ATP2B2: variants seen among roughly 807,000 people sequenced by gnomAD.
The protein encoded by ATP2B2 is plasma membrane calcium-transporting ATPase 2.
ATP2B2 carries 15 observed loss-of-function variants against 120.0 expected under a neutral mutation model. The observed-to-expected ratio is 0.12, with a 90% CI of 0.08 to 0.19. ATP2B2 has a LOEUF of 0.19. ATP2B2 is among the 10% of genes least tolerant of loss of function. ATP2B2 has a pLI of 1.00. For synonymous variants in ATP2B2, 694 were observed against 700.3 expected, an observed-to-expected ratio of 0.99 and a Z score of 0.14; for missense variants, 1,045 against 1,719.8, an observed-to-expected ratio of 0.61 and a Z score of 6.94.
At chr3:10,504,616 GA>G (rs2125417291) in intron 1 of ATP2B2, among the ~76,000 whole-genome samples, 1 of 152,178 alleles carries the variant, frequency 6.6e-6, no homozygotes, top group African/African-American at 2.4e-5. Context: ...CCGTGGTGTG[GA>G]ATAGCTACTT....
At chr3:10,563,920 G>A (rs567617027) in intron 2 of ATP2B2, among the ~76,000 whole-genome samples, 1 of 152,332 alleles carries the variant, frequency 6.6e-6, no homozygotes, top group Admixed American at 6.5e-5. Context: ...GTGGAGCCAG[G>A]TTTAGAACCA....
intron 1 of ATP2B2, among the ~76,000 whole-genome samples, chr3:10,651,669 A>G (rs9851032): frequency 0.31 from 46,593 of 151,436 alleles, 10,678 homozygotes; most frequent in African/African-American, 0.64. Context: ...AGGGTGGGTG[A>G]ATGGCTGGGT....
intron 2 of ATP2B2, among the ~76,000 whole-genome samples, chr3:10,582,700 G>T (rs1481008763): frequency 1.3e-5 from 2 of 151,770 alleles, no homozygotes; most frequent in African/African-American, 2.4e-5. Flanking sequence ...AGAGGGAACG[G>T]TAAGTGTAGA....
At chr3:10,685,356 C>T (rs1342516576) in intron 1 of ATP2B2, among the ~76,000 whole-genome samples, 1 of 152,216 alleles carries the variant, frequency 6.6e-6, no homozygotes, top group African/African-American at 2.4e-5. Context: ...GGCAGCTGAG[C>T]AAGCAGCGTG....
intron 2 of ATP2B2, among the ~76,000 whole-genome samples, chr3:10,572,539 A>G (rs2068151000): frequency 1.3e-5 from 2 of 152,244 alleles, no homozygotes; most frequent in African/African-American, 4.8e-5. Context: ...CAATTAAAAA[A>G]TACCACATAG....
chr3:10,593,435 A>C (rs2068690453), intron 2 of ATP2B2, among the ~76,000 whole-genome samples: 1 of 152,196 alleles, frequency 6.6e-6, no homozygotes, highest in Admixed American at 6.5e-5. Context: ...TGTCTCTGAG[A>C]GTTGACTGTC....
At chr3:10,629,402 C>G (rs1208668697) in intron 1 of ATP2B2, among the ~76,000 whole-genome samples, 1 of 152,198 alleles carries the variant, frequency 6.6e-6, no homozygotes, top group Non-Finnish European at 1.5e-5. Context: ...AAGGAGGAGG[C>G]AAACTCGCAC....
chr3:10,547,740 A>G (rs2067582432), intron 2 of ATP2B2, among the ~76,000 whole-genome samples: 1 of 152,216 alleles, frequency 6.6e-6, no homozygotes, highest in South Asian at 2.1e-4. Context: ...GGCTGCAGGC[A>G]TGGACTTTCC....
intron 2 of ATP2B2, among the ~76,000 whole-genome samples, chr3:10,445,028 G>A (rs951814118): frequency 2.6e-5 from 4 of 152,230 alleles, no homozygotes; most frequent in Non-Finnish European, 5.9e-5. Context: ...ATCTTTCCAT[G>A]TCCTCTGATG....
intron 2 of ATP2B2, among the ~76,000 whole-genome samples, chr3:10,574,955 G>A (rs1255139611): frequency 6.6e-6 from 1 of 152,108 alleles, no homozygotes; most frequent in African/African-American, 2.4e-5. Flanking sequence ...ACAAAGGGCT[G>A]GCTGACTTGA....
intron 2 of ATP2B2, among the ~76,000 whole-genome samples, chr3:10,550,514 G>GT (rs1308821444): frequency 3.3e-5 from 5 of 152,100 alleles, no homozygotes; most frequent in African/African-American, 7.2e-5. Flanking sequence ...CTATGTGATA[G>GT]TTTTTTAAAA....
intron 2 of ATP2B2, among the ~76,000 whole-genome samples, chr3:10,587,245 C>T (rs1442681565): frequency 6.6e-6 from 1 of 152,026 alleles, no homozygotes. Flanking sequence ...GTCCAGAGTG[C>T]AGTGAGCCGT....
At chr3:10,549,562 C>T (rs890430405) in intron 2 of ATP2B2, among the ~76,000 whole-genome samples, 1 of 152,256 alleles carries the variant, frequency 6.6e-6, no homozygotes, top group African/African-American at 2.4e-5. Context: ...CTAGCATGTC[C>T]TATCACTTAG....
chr3:10,465,029 C>T (rs1345710369), intron 1 of ATP2B2, among the ~76,000 whole-genome samples: 2 of 152,214 alleles, frequency 1.3e-5, no homozygotes, highest in African/African-American at 4.8e-5. Context: ...GAGTGCCAGG[C>T]CCTTCTCCAA....
Position 10,375,504 on chromosome 3 carries a change from C to A in ATP2B2, c.1342G>T (p.Val448Leu). 1 of 1,613,760 alleles carries A rather than the reference C, an allele frequency of 6.2e-7. No homozygotes were observed. Residue 448 changes from valine (V) to leucine (L), a missense_variant, in exon 11 of 23, where the codon GTG becomes TTG. By Grantham distance (32) the Val-to-Leu change is conservative. Coordinates refer to ENST00000360273, the MANE Select transcript of ATP2B2 (RefSeq NM_001001331.4). The surrounding 1 kb of genome is among the most constrained non-coding windows in gnomAD (Gnocchi z 4.2). Reference protein sequence around the residue: ...QYFVKFFIIGVTVLVVAVPEG... With the variant: ...QYFVKFFIIGLTVLVVAVPEG... ...GGCACGGCGACCACCAGCACCGTCACGCCAATGATGAAGAACTTGACAAAG... is the reference window on the plus strand; with the variant it reads ...GGCACGGCGACCACCAGCACCGTCAAGCCAATGATGAAGAACTTGACAAAG...
At position 10,347,526 on chromosome 3, in the gene ATP2B2, T is replaced by C. The variant is rs2060463491; in HGVS notation, c.2405-1389A>G. Among the ~76,000 whole-genome samples the C allele has an allele frequency of 6.6e-6, 1 of 152,184 alleles. No homozygotes were observed. The highest frequency in any genetic ancestry group is 1.5e-5 in the Non-Finnish European group (1 of 68,024). On this transcript the variant is annotated intron_variant, in intron 16 of 22. Coordinates refer to ENST00000360273, the MANE Select transcript of ATP2B2 (RefSeq NM_001001331.4). This position sits in a 1 kb window ranked among gnomAD's most constrained non-coding sequence, Gnocchi z 5.2. Reference sequence around the variant, plus strand: ...TGCTCCCTTGCAGCTCTACCCTCTTTCAGGCCCAGCTGCAGTGCCGTGTGT... The same window carrying C: ...TGCTCCCTTGCAGCTCTACCCTCTTCCAGGCCCAGCTGCAGTGCCGTGTGT...
chr3:10,382,212 T>G (rs1332402956), intron 8 of ATP2B2, among the ~76,000 whole-genome samples: 1 of 150,054 alleles, frequency 6.7e-6, no homozygotes, highest in Non-Finnish European at 1.5e-5. Context: ...TTTTTTTTTT[T>G]TTTTGTAGAG....
chr3:10,682,295 C>G (rs148806057), intron 1 of ATP2B2, among the ~76,000 whole-genome samples: 1 of 152,198 alleles, frequency 6.6e-6, no homozygotes, highest in Admixed American at 6.5e-5. Flanking sequence ...GAATGTGTTA[C>G]CACCAGAGGT....
chr3:10,439,585 G>T (rs1159860690), intron 2 of ATP2B2, among the ~76,000 whole-genome samples: 2 of 152,204 alleles, frequency 1.3e-5, no homozygotes, highest in Non-Finnish European at 2.9e-5. Flanking sequence ...GATGCATTAA[G>T]AACTTATGTG....
Sources: gnomAD v4.1 joint callset for allele counts (sites outside exome capture counted in the v4.1 genomes callset) on GRCh38, gnomAD v4.1.1 for gene constraint, Gnocchi (gnomAD v3.1) non-coding constraint, MANE v1.5 for transcripts, NCBI Gene and HGNC (gene_info 2026-07-23, HGNC 2026-07-21) for gene names.